Variants in GULP1 observed in about 807,000 individuals in gnomAD.
The protein encoded by GULP1 is PTB domain-containing engulfment adapter protein 1.
GULP1 carries 19 observed loss-of-function variants against 40.9 expected under a neutral mutation model. That is an observed-to-expected ratio of 0.46 (90% CI 0.32 to 0.68). GULP1 has a LOEUF of 0.68. GULP1 is among the 30% of genes least tolerant of loss of function. The pLI, the probability that GULP1 is intolerant of heterozygous loss-of-function variation, is 0.03. For missense variants in GULP1, 312 were observed against 362.2 expected (o/e 0.86, Z 1.12); for synonymous variants, 119 against 117.6 (o/e 1.01, Z -0.08).
chr2:188,370,863 G>T (rs1574807697), intron 1 of GULP1, among the ~76,000 whole-genome samples: 1 of 152,138 alleles, frequency 6.6e-6, no homozygotes, highest in East Asian at 1.9e-4. Context: ...TTAAGCATGT[G>T]TGTATGTGTG....
intron 1 of GULP1, among the ~76,000 whole-genome samples, chr2:188,329,302 C>T (rs7574262): frequency 0.42 from 63,036 of 151,846 alleles, 13,458 homozygotes; most frequent in African/African-American, 0.51. Flanking sequence ...TATTCAACTG[C>T]ACTGTTTGTC....
rs1574140490 is a variant in GULP1 at position 188,292,494 on chromosome 2, C to G, written c.-172+328C>G. 6.6e-6 allele frequency among the ~76,000 whole-genome samples: 1 copy of G among 152,174 alleles called. No individual in the cohort carries two copies. The highest frequency in any genetic ancestry group is 2.1e-4 in the South Asian group (1 of 4,838). The stretch of plus-strand genomic sequence containing the variant: ...TCCGGGCTCCAGAAACCTCCTTAGC[C>G]TTTTGTGGTAACTTTGGTCCGGCGG... On this transcript the variant is annotated intron_variant, in intron 1 of 11. Transcript: ENST00000409830. This position sits in a 1 kb window ranked among gnomAD's most constrained non-coding sequence, Gnocchi z 4.0.
intron 2 of GULP1, among the ~76,000 whole-genome samples, chr2:188,451,144 A>T (rs1426459065): frequency 6.6e-6 from 1 of 152,180 alleles, no homozygotes; most frequent in Non-Finnish European, 1.5e-5. Context: ...CTACTTTTCT[A>T]CTTAATTTTT....
At chr2:188,510,697 T>G (rs2153196943) in intron 4 of GULP1, among the ~76,000 whole-genome samples, 1 of 147,450 alleles carries the variant, frequency 6.8e-6, no homozygotes, top group South Asian at 2.1e-4. Context: ...AAATCCCACT[T>G]GTCTCATGTT....
At chr2:188,515,795 G>A (rs2065114288) in intron 4 of GULP1, among the ~76,000 whole-genome samples, 1 of 151,940 alleles carries the variant, frequency 6.6e-6, no homozygotes, top group Non-Finnish European at 1.5e-5. Flanking sequence ...CCAGCACTTA[G>A]TAAATGCTAG....
At position 188,594,211 on chromosome 2, in the gene GULP1, G is replaced by A. The variant is rs1704122894; in HGVS notation, c.*200G>A. ...TTTAAAAACAGCTTACTGTAAAGTA[G>A]ATCATACTTTTATGTTCCTTTCTGT... is the stretch of plus-strand genomic sequence containing the variant. On this transcript the variant is annotated 3_prime_UTR_variant, in exon 12 of 12. Transcript: ENST00000409830. 1 of 392,284 alleles carries A rather than the reference G, an allele frequency of 2.5e-6. No individual in the cohort carries two copies. The highest frequency in any genetic ancestry group is 2.0e-5 in the African/African-American group (1 of 49,140). 24.3% of individuals were successfully genotyped at this position (392,284 alleles called of 1,614,324 possible). A position where few individuals can be genotyped will look rare whatever the true frequency, so the allele number is the denominator to read the frequency against.
intron 2 of GULP1, among the ~76,000 whole-genome samples, chr2:188,471,856 C>G (rs2153009661): frequency 6.6e-6 from 1 of 152,192 alleles, no homozygotes; most frequent in African/African-American, 2.4e-5. Context: ...CTTACCATTA[C>G]CTGTGAGTTT....
chr2:188,546,716 G>T (rs1692062945), intron 7 of GULP1, among the ~76,000 whole-genome samples: 1 of 151,840 alleles, frequency 6.6e-6, no homozygotes, highest in East Asian at 1.9e-4. Flanking sequence ...ATTAATAAGA[G>T]AAGAAATTGG....
chr2:188,481,050 G>A (rs2153051361), intron 3 of GULP1, among the ~76,000 whole-genome samples: 2 of 151,928 alleles, frequency 1.3e-5, no homozygotes, highest in South Asian at 4.2e-4. Context: ...TAATCTAGAT[G>A]CATTTTGAAA....
At position 188,535,975 on chromosome 2, in the gene GULP1, T is replaced by TA. The variant is rs796982107; in HGVS notation, c.262-5206_262-5205insA. 5.9e-5 allele frequency among the ~76,000 whole-genome samples: 9 copies of TA among 152,266 alleles called. 1 individual carries two copies. Among genetic ancestry groups the TA allele is most frequent in the African/African-American group, 2.2e-4 (9 of 41,570 alleles). On this transcript the variant is annotated intron_variant, in intron 6 of 11. Transcript: ENST00000409830. ...TGTGGAGCATTTTTTTCATGTTTATTTGCAGCTTGTTTGTCTTCTTTAGAG... is the reference window on the plus strand; with the variant it reads ...TGTGGAGCATTTTTTTCATGTTTATTATGCAGCTTGTTTGTCTTCTTTAGAG...
At chr2:188,503,826 CT>C (rs2153168460) in intron 4 of GULP1, among the ~76,000 whole-genome samples, 1 of 151,994 alleles carries the variant, frequency 6.6e-6, no homozygotes, top group East Asian at 1.9e-4. Context: ...AATCCCTGAA[CT>C]AGTAACGCTA....
intron 2 of GULP1, among the ~76,000 whole-genome samples, chr2:188,419,060 T>C (rs970371659): frequency 9.2e-5 from 14 of 152,332 alleles, no homozygotes; most frequent in Middle Eastern, 3.4e-3. Context: ...AATTTTCTTT[T>C]TTTTAGAGTT....
chr2:188,339,762 C>A (rs1192504156), intron 1 of GULP1, among the ~76,000 whole-genome samples: 1 of 152,098 alleles, frequency 6.6e-6, no homozygotes, highest in African/African-American at 2.4e-5. Context: ...TGATTTTCTA[C>A]ATAATAAAAG....
At chr2:188,545,184 G>C (rs1052496946) in intron 7 of GULP1, among the ~76,000 whole-genome samples, 1 of 151,242 alleles carries the variant, frequency 6.6e-6, no homozygotes, top group Non-Finnish European at 1.5e-5. Flanking sequence ...TTAGATGAAT[G>C]AAAATTAAGA....
rs2062104885 is a variant in GULP1, at chr2:188,488,997, CTTAATATAAAAAAAAATAA to C, written c.90+5508_90+5526del. On this transcript the variant is annotated intron_variant, in intron 4 of 11. Coordinates refer to ENST00000409830, the MANE Select transcript of GULP1 (RefSeq NM_016315.4). Reference sequence around the variant, plus strand: ...TTAATGAGTCATAGTAAAGACGGGTCTTAATATAAAAAAAAATAATTTTACTAATGCTCTTTAAATTGTT... The same window carrying C: ...TTAATGAGTCATAGTAAAGACGGGTCTTTTACTAATGCTCTTTAAATTGTT... Among the ~76,000 whole-genome samples the C allele has an allele frequency of 4.0e-5, 6 of 151,630 alleles. No individual in the cohort carries two copies. In the South Asian group the frequency reaches 1.0e-3, roughly 26 times the overall value.
chr2:188,497,787 A>G (rs977649946), intron 4 of GULP1, among the ~76,000 whole-genome samples: 10 of 152,000 alleles, frequency 6.6e-5, no homozygotes, highest in African/African-American at 2.2e-4. Context: ...GCAAGGCTTT[A>G]ATAAAGGCAA....
intron 1 of GULP1, among the ~76,000 whole-genome samples, chr2:188,353,503 G>C (rs2044801578): frequency 6.6e-6 from 1 of 152,052 alleles, no homozygotes; most frequent in African/African-American, 2.4e-5. Flanking sequence ...TTGCCTCTGA[G>C]GAAACAGTGC....
At chr2:188,561,798 G>C (rs1696358349) in intron 7 of GULP1, among the ~76,000 whole-genome samples, 1 of 152,126 alleles carries the variant, frequency 6.6e-6, no homozygotes, top group South Asian at 2.1e-4. Flanking sequence ...TCATTCTCAT[G>C]GCCCAGTCCT....
chr2:188,548,811 G>C lies in GULP1; in HGVS notation c.399+7493G>C, dbSNP rs536150059. Among the ~76,000 whole-genome samples, 49 of 147,862 alleles carry C rather than the reference G, an allele frequency of 3.3e-4. No individual in the cohort carries two copies. In the South Asian group the frequency reaches 7.7e-3, roughly 23 times the overall value. On this transcript the variant is annotated intron_variant, in intron 7 of 11. Coordinates refer to ENST00000409830, the MANE Select transcript of GULP1 (RefSeq NM_016315.4). Reference sequence around the variant, plus strand: ...TGTTTGTCAATGCTGCAAAAGCAGTGCAATAGGGGAAAGAAGGTTTTGTTT... The same window carrying C: ...TGTTTGTCAATGCTGCAAAAGCAGTCCAATAGGGGAAAGAAGGTTTTGTTT...
Sources: allele counts gnomAD v4.1 joint callset (sites outside exome capture counted in the v4.1 genomes callset), GRCh38; gene constraint gnomAD v4.1.1; non-coding constraint Gnocchi (gnomAD v3.1); transcripts MANE v1.5; gene names NCBI Gene and HGNC (gene_info 2026-07-23, HGNC 2026-07-21).